NKAIN2: variants seen among roughly 807,000 people sequenced by gnomAD.
NKAIN2 encodes the protein sodium/potassium-transporting ATPase subunit beta-1-interacting protein 2.
NKAIN2 carries 14 observed loss-of-function variants against 32.6 expected under a neutral mutation model. The ratio of observed to expected loss-of-function variants is 0.43; its 90% CI spans 0.28 to 0.67. The LOEUF (loss-of-function observed/expected upper bound fraction) is 0.67. NKAIN2 is among the 30% of genes least tolerant of loss of function. The probability of loss-of-function intolerance (pLI) is 0.17; values close to 1 mark genes in which losing one functional copy is unlikely to be tolerated. For missense variants in NKAIN2, 198 were observed against 258.3 expected, an observed-to-expected ratio of 0.77 and a Z score of 1.60; for synonymous variants, 80 against 87.2, an observed-to-expected ratio of 0.92 and a Z score of 0.46.
chr6:123,885,983 C>T (rs1034938012), intron 1 of NKAIN2, among the ~76,000 whole-genome samples: 2 of 147,620 alleles, frequency 1.4e-5, no homozygotes, highest in Non-Finnish European at 3.0e-5. Context: ...GTCCCCCCAA[C>T]TAGAAGAATA....
intron 1 of NKAIN2, among the ~76,000 whole-genome samples, chr6:124,011,120 C>T (rs963379123): frequency 3.3e-5 from 5 of 152,106 alleles, no homozygotes; most frequent in African/African-American, 1.2e-4. Context: ...TTTGCAGAAT[C>T]CAAACAACTT....
At chr6:124,556,404 C>T (rs1380254684) in intron 3 of NKAIN2, among the ~76,000 whole-genome samples, 3 of 152,174 alleles carry the variant, frequency 2.0e-5, no homozygotes, top group Non-Finnish European at 4.4e-5. Flanking sequence ...GTGATTAGGT[C>T]ATGAGGGCTT....
chr6:124,714,230 T>C (rs1367783127), intron 4 of NKAIN2, among the ~76,000 whole-genome samples: 1 of 152,214 alleles, frequency 6.6e-6, no homozygotes, highest in Admixed American at 6.5e-5. Context: ...GCTTCCCAGT[T>C]TTCTTTCAAA....
intron 1 of NKAIN2, among the ~76,000 whole-genome samples, chr6:123,916,277 G>C (rs1775488560): frequency 6.6e-6 from 1 of 152,092 alleles, no homozygotes; most frequent in Non-Finnish European, 1.5e-5. Context: ...GATTGAGACA[G>C]AGTCTCATTC....
chr6:124,070,520 T>G (rs1274848690), intron 1 of NKAIN2, among the ~76,000 whole-genome samples: 1 of 152,182 alleles, frequency 6.6e-6, no homozygotes, highest in Non-Finnish European at 1.5e-5. Context: ...CCAAAAACCC[T>G]TGGCATTTAG....
chr6:124,241,493 TA>T lies in NKAIN2; in HGVS notation c.55-41510del, dbSNP rs571439996. Among the ~76,000 whole-genome samples the T allele has an allele frequency of 1.9e-3, 288 of 152,244 alleles. 1 individual carries two copies. Among genetic ancestry groups the T allele is most frequent in the Middle Eastern group, 0.01 (3 of 294 alleles). On this transcript the variant is annotated intron_variant, in intron 1 of 6. Transcript: ENST00000368417. The stretch of plus-strand genomic sequence containing the variant: ...CATCACGCTACCTGACTTCAAACTA[TA>T]ATATAAGGCAACAGTAACCAAAACA...
intron 3 of NKAIN2, among the ~76,000 whole-genome samples, chr6:124,446,049 A>G (rs527258981): frequency 2.0e-5 from 3 of 152,112 alleles, no homozygotes; most frequent in Non-Finnish European, 2.9e-5. Context: ...TTGCAGAACA[A>G]CGGCAGAACA....
intron 3 of NKAIN2, among the ~76,000 whole-genome samples, chr6:124,358,164 C>A (rs1799082041): frequency 6.6e-6 from 1 of 152,120 alleles, no homozygotes; most frequent in African/African-American, 2.4e-5. Flanking sequence ...TTTTCTTAAT[C>A]CAGTCTATCA....
intron 1 of NKAIN2, among the ~76,000 whole-genome samples, chr6:123,940,276 A>G (rs1488793126): frequency 6.6e-6 from 1 of 151,626 alleles, no homozygotes; most frequent in African/African-American, 2.4e-5. Flanking sequence ...CCCTACACTT[A>G]CATGTATTTT....
intron 4 of NKAIN2, among the ~76,000 whole-genome samples, chr6:124,788,886 AG>A (rs1779622217): frequency 6.6e-6 from 1 of 152,230 alleles, no homozygotes; most frequent in African/African-American, 2.4e-5. Context: ...TATATTGTGT[AG>A]GATAATTGGA....
At chr6:124,245,953 A>G (rs1192403545) in intron 1 of NKAIN2, among the ~76,000 whole-genome samples, 1 of 152,148 alleles carries the variant, frequency 6.6e-6, no homozygotes, top group African/African-American at 2.4e-5. Context: ...AATATATATA[A>G]GCTTCTTAAC....
chr6:124,280,647 A>G lies in NKAIN2; in HGVS notation c.55-2358A>G, dbSNP rs558444911. 1.9e-3 allele frequency among the ~76,000 whole-genome samples: 284 copies of G among 152,276 alleles called. 1 individual carries two copies. The highest frequency in any genetic ancestry group is 3.4e-3 in the Non-Finnish European group (234 of 68,028). On this transcript the variant is annotated intron_variant, in intron 1 of 6. Transcript: ENST00000368417. ...CCAGCATACAGTAGGTGTTCTAACA[A>G]ATATGTGCTCTCTCCATCCCTGCAC...
intron 3 of NKAIN2, among the ~76,000 whole-genome samples, chr6:124,499,136 G>A (rs1778184788): frequency 6.6e-6 from 1 of 152,056 alleles, no homozygotes; most frequent in South Asian, 2.1e-4. Flanking sequence ...AAAAGGGATT[G>A]GATTAGATGA....
intron 1 of NKAIN2, among the ~76,000 whole-genome samples, chr6:123,893,690 G>T (rs192094): frequency 6.6e-6 from 1 of 152,178 alleles, no homozygotes. Context: ...TTTTAAATTA[G>T]AATTTATTTA....
intron 3 of NKAIN2, among the ~76,000 whole-genome samples, chr6:124,360,141 T>C (rs1180657910): frequency 2.0e-5 from 3 of 152,190 alleles, no homozygotes; most frequent in Non-Finnish European, 4.4e-5. Context: ...TCATGGTGGA[T>C]AAGCTTTTTG....
chr6:124,797,773 T>C (rs756459256), intron 5 of NKAIN2, among the ~76,000 whole-genome samples: 2 of 152,196 alleles, frequency 1.3e-5, no homozygotes, highest in Non-Finnish European at 2.9e-5. Flanking sequence ...TGCAGTTCTT[T>C]GAGCACAATC....
chr6:124,676,989 G>A (rs1459031029), intron 4 of NKAIN2, among the ~76,000 whole-genome samples: 1 of 152,058 alleles, frequency 6.6e-6, no homozygotes, highest in African/African-American at 2.4e-5. Flanking sequence ...TGGGGTGGAG[G>A]ACAGTGTCTC....
chr6:124,163,895 G>C (rs746390506), intron 1 of NKAIN2, among the ~76,000 whole-genome samples: 7 of 151,998 alleles, frequency 4.6e-5, no homozygotes, highest in Non-Finnish European at 1.0e-4. Context: ...GATGGATTAA[G>C]ATAATACGAA....
chr6:124,479,582 G>A (rs1416854809), intron 3 of NKAIN2, among the ~76,000 whole-genome samples: 3 of 152,138 alleles, frequency 2.0e-5, no homozygotes, highest in Non-Finnish European at 4.4e-5. Context: ...AAGAATGAAA[G>A]CTGTAACATT....
Sources: gnomAD v4.1 joint callset for allele counts (sites outside exome capture counted in the v4.1 genomes callset) on GRCh38, gnomAD v4.1.1 for gene constraint, MANE v1.5 for transcripts, NCBI Gene and HGNC (gene_info 2026-07-23, HGNC 2026-07-21) for gene names.